The following OSTC variants were observed in gnomAD, a reference collection of about 807,000 sequenced individuals.
OSTC encodes the protein oligosaccharyltransferase complex non-catalytic subunit.
A neutral mutation model predicts 16.4 loss-of-function variants in OSTC; 16 were observed. The observed-to-expected ratio is 0.98, with a 90% CI of 0.66 to 1.49. OSTC has a LOEUF of 1.49. OSTC is among the 40% of genes most tolerant of loss of function. OSTC has a pLI of 0.00. For synonymous variants in OSTC, 67 were observed against 68.5 expected (o/e 0.98, Z 0.11); for missense variants, 139 against 186.3 (o/e 0.75, Z 1.48).
At chr4:108,661,133 G>A (rs1490098162) in intron 3 of OSTC, among the ~76,000 whole-genome samples, 1 of 150,756 alleles carries the variant, frequency 6.6e-6, no homozygotes, top group Non-Finnish European at 1.5e-5. Context: ...CACGAGAATT[G>A]CATGAACCCA....
At chr4:108,651,656 G>C (rs559280892) in intron 1 of OSTC, among the ~76,000 whole-genome samples, 3 of 152,128 alleles carry the variant, frequency 2.0e-5, no homozygotes, top group African/African-American at 7.2e-5. Flanking sequence ...TAGATTTGGG[G>C]AAGTGGTGTA....
At chr4:108,656,398 T>C (rs745390610) in intron 2 of OSTC, among the ~76,000 whole-genome samples, 2 of 152,076 alleles carry the variant, frequency 1.3e-5, no homozygotes, top group Non-Finnish European at 2.9e-5. Flanking sequence ...AGTGCCCTCT[T>C]TCACACTGTT....
intron 3 of OSTC, among the ~76,000 whole-genome samples, chr4:108,658,425 T>TTGTGAG (rs1553929311): frequency 6.7e-5 from 10 of 150,036 alleles, no homozygotes; most frequent in Middle Eastern, 3.5e-3. Flanking sequence ...ATTTATATAT[T>TTGTGAG]TGTGTGTGTG....
chr4:108,656,822 G>A (rs1012838631), intron 2 of OSTC, among the ~76,000 whole-genome samples: 26 of 152,124 alleles, frequency 1.7e-4, no homozygotes, highest in Non-Finnish European at 2.9e-4. Context: ...AACCTAGACC[G>A]GGCGCAGTGG....
At position 108,660,725 on chromosome 4, in the gene OSTC, A is replaced by C. The variant is rs540363084; in HGVS notation, c.431+3078A>C. ...TGCACCATGATAACCTCCAGGGTGGAATTCTTTTTTACAAAGATGTTACCT... is the reference window on the plus strand; with the variant it reads ...TGCACCATGATAACCTCCAGGGTGGCATTCTTTTTTACAAAGATGTTACCT... On this transcript the variant is annotated intron_variant, in intron 3 of 3. Coordinates refer to ENST00000361564, the MANE Select transcript of OSTC (RefSeq NM_021227.4). Among the ~76,000 whole-genome samples the C allele has an allele frequency of 7.2e-5, 11 of 152,286 alleles. No individual in the cohort carries two copies. In the South Asian group the frequency reaches 1.9e-3, roughly 26 times the overall value.
At chr4:108,659,577 G>T (rs1424061465) in intron 3 of OSTC, among the ~76,000 whole-genome samples, 1 of 151,986 alleles carries the variant, frequency 6.6e-6, no homozygotes, top group Non-Finnish European at 1.5e-5. Flanking sequence ...AACCATCCTG[G>T]CTAACATGGT....
chr4:108,656,863 G>A (rs568489377), intron 2 of OSTC, among the ~76,000 whole-genome samples: 4 of 152,278 alleles, frequency 2.6e-5, no homozygotes, highest in African/African-American at 9.6e-5. Context: ...ACTTTGGGAG[G>A]CCGAGATGGG....
intron 3 of OSTC, among the ~76,000 whole-genome samples, chr4:108,664,272 A>G (rs1197686269): frequency 6.7e-6 from 1 of 149,416 alleles, no homozygotes; most frequent in Non-Finnish European, 1.5e-5. Context: ...GTTACAAGGA[A>G]GGATACCATA....
At chr4:108,661,369 C>T (rs150753511) in intron 3 of OSTC, among the ~76,000 whole-genome samples, 1 of 151,914 alleles carries the variant, frequency 6.6e-6, no homozygotes, top group Non-Finnish European at 1.5e-5. Context: ...TGAAAATATT[C>T]TAATATAATT....
At chr4:108,655,523 T>C (rs780737514) in intron 1 of OSTC, 41 bp from the exon 2 acceptor site, 54 of 1,271,892 alleles carry the variant, frequency 4.2e-5, no homozygotes, top group Non-Finnish European at 5.6e-5. Flanking sequence ...TTTTCAAAAA[T>C]TAGTAATACA....
intron 3 of OSTC, among the ~76,000 whole-genome samples, chr4:108,666,807 A>T (rs1727019756): frequency 6.6e-6 from 1 of 151,660 alleles, no homozygotes; most frequent in African/African-American, 2.4e-5. Context: ...GGAGTTCCAG[A>T]CCAACCTGGC....
chr4:108,650,622 C>A lies in OSTC; in HGVS notation c.-34C>A, dbSNP rs773275773. 6.2e-7 allele frequency: 1 copy of A among 1,610,620 alleles called. No homozygotes were observed. Among genetic ancestry groups the A allele is most frequent in the South Asian group, 1.1e-5 (1 of 90,914 alleles). On this transcript the variant is annotated 5_prime_UTR_variant, in exon 1 of 4. Coordinates refer to ENST00000361564, the MANE Select transcript of OSTC (RefSeq NM_021227.4). ...GCCTGTTTCCGGGAGGCGCGTGGGG[C>A]TTGAGGCCGAGAACGGCCCTTGCTG...
intron 3 of OSTC, among the ~76,000 whole-genome samples, chr4:108,666,658 C>G (rs1204836354): frequency 6.9e-6 from 1 of 145,842 alleles, no homozygotes. Context: ...TTGCAGTGAG[C>G]CGAGATTGCA....
chr4:108,664,940 G>A (rs550231066), intron 3 of OSTC, among the ~76,000 whole-genome samples: 10 of 152,238 alleles, frequency 6.6e-5, no homozygotes, highest in African/African-American at 2.4e-4. Flanking sequence ...TTGGGAGGAG[G>A]TGAGAAGTAT....
intron 1 of OSTC, among the ~76,000 whole-genome samples, chr4:108,652,590 A>G (rs1471109397): frequency 6.6e-6 from 1 of 152,164 alleles, no homozygotes; most frequent in Non-Finnish European, 1.5e-5. Flanking sequence ...GTTGCTGACA[A>G]ATAGTCAGCA....
At chr4:108,661,826 T>C (rs987568273) in intron 3 of OSTC, among the ~76,000 whole-genome samples, 1 of 152,104 alleles carries the variant, frequency 6.6e-6, no homozygotes, top group African/African-American at 2.4e-5. Context: ...CTCGAACTCC[T>C]GACCTCAAGT....
intron 3 of OSTC, among the ~76,000 whole-genome samples, chr4:108,660,895 G>A (rs1226271703): frequency 1.3e-5 from 2 of 152,148 alleles, no homozygotes; most frequent in African/African-American, 4.8e-5. Context: ...TTTATTTGAT[G>A]TCTTGAGTTT....
chr4:108,661,393 A>G (rs60925379), intron 3 of OSTC, among the ~76,000 whole-genome samples: 4,293 of 152,240 alleles, frequency 0.028, 200 homozygotes, highest in African/African-American at 0.098. Flanking sequence ...GAGATAATGT[A>G]TGTGAAATCA....
At chr4:108,664,466 C>CT (rs781473743) in intron 3 of OSTC, among the ~76,000 whole-genome samples, 54 of 144,514 alleles carry the variant, frequency 3.7e-4, no homozygotes, top group Admixed American at 5.5e-4. Flanking sequence ...CTTCTTGAAC[C>CT]TTTTTTTTTT....
Sources: gnomAD v4.1 joint callset for allele counts (sites outside exome capture counted in the v4.1 genomes callset) on GRCh38, gnomAD v4.1.1 for gene constraint, MANE v1.5 for transcripts, NCBI Gene and HGNC (gene_info 2026-07-23, HGNC 2026-07-21) for gene names.